MYO16: variants seen among roughly 807,000 people sequenced by gnomAD.
The protein encoded by MYO16 is unconventional myosin-XVI.
A neutral mutation model predicts 205.3 loss-of-function variants in MYO16; 94 were observed. The ratio of observed to expected loss-of-function variants is 0.46; its 90% CI spans 0.39 to 0.54. MYO16 has a LOEUF of 0.54. Among genes scored for constraint, MYO16 ranks in the 20% least tolerant of loss-of-function variants. The probability of loss-of-function intolerance (pLI) is 0.00; values close to 1 mark genes in which losing one functional copy is unlikely to be tolerated. For synonymous variants in MYO16, 988 were observed against 954.0 expected, an observed-to-expected ratio of 1.04 and a Z score of -0.66; for missense variants, 2,315 against 2,387.5, an observed-to-expected ratio of 0.97 and a Z score of 0.63.
chr13:108,944,985 T>C (rs1259583303), intron 16 of MYO16, among the ~76,000 whole-genome samples: 1 of 152,194 alleles, frequency 6.6e-6, no homozygotes, highest in East Asian at 1.9e-4. Flanking sequence ...TGCTAATTAT[T>C]TCTCTGAGTC....
chr13:109,092,150 A>C (rs771829348), intron 27 of MYO16, among the ~76,000 whole-genome samples: 1 of 152,236 alleles, frequency 6.6e-6, no homozygotes, highest in Non-Finnish European at 1.5e-5. Flanking sequence ...ATTTTCCTTG[A>C]GAATGAAGCG....
In MYO16 at chr13:109,119,820, C is replaced by T. The variant is rs552119481; in HGVS notation, c.3439-550C>T. On this transcript the variant is annotated intron_variant, in intron 28 of 34. Transcript: ENST00000457511. ...TGTTGCTCAAAGATGACTTTCTCAT[C>T]TTTCTTGAGACTTTTAAACTTTAGT... Among the ~76,000 whole-genome samples, 9 of 152,314 alleles carry T rather than the reference C, an allele frequency of 5.9e-5. No individual in the cohort carries two copies. The South Asian group carries it at 1.9e-3, about 32-fold the overall frequency.
intron 15 of MYO16, among the ~76,000 whole-genome samples, chr13:108,904,099 A>G (rs1880846582): frequency 6.6e-6 from 1 of 152,180 alleles, no homozygotes; most frequent in African/African-American, 2.4e-5. Context: ...TCAGCAATGT[A>G]ACCACAGATC....
chr13:108,744,387 GC>G (rs1448181028), intron 4 of MYO16, among the ~76,000 whole-genome samples: 1 of 151,986 alleles, frequency 6.6e-6, no homozygotes, highest in Non-Finnish European at 1.5e-5. Context: ...CATTCTATAA[GC>G]CTTTTTCTTC....
chr13:109,065,933 C>A (rs538180331), intron 27 of MYO16, among the ~76,000 whole-genome samples: 18 of 152,298 alleles, frequency 1.2e-4, no homozygotes, highest in Non-Finnish European at 2.4e-4. Context: ...AAGGACTTGT[C>A]AATGAAAGCA....
At chr13:108,533,682 G>T in the MYO16 span, among the ~76,000 whole-genome samples, 2 of 152,114 alleles carry the variant, frequency 1.3e-5, no homozygotes, top group African/African-American at 4.8e-5. Context: ...GTTCTAATTT[G>T]TATGCTTTCC....
chr13:108,941,584 C>T (rs1316753125), intron 16 of MYO16, among the ~76,000 whole-genome samples: 2 of 138,500 alleles, frequency 1.4e-5, no homozygotes, highest in Non-Finnish European at 3.0e-5. Context: ...GGCTGAGGCA[C>T]AAGAATCATT....
At chr13:108,838,690 T>TACACAC (rs138108851) in intron 9 of MYO16, among the ~76,000 whole-genome samples, 9 of 135,962 alleles carry the variant, frequency 6.6e-5, no homozygotes, top group Middle Eastern at 3.8e-3. Context: ...TATATATATA[T>TACACAC]ACACACACAC....
chr13:109,029,399 CTCTG>C (rs1452406501), intron 23 of MYO16, among the ~76,000 whole-genome samples: 2 of 152,084 alleles, frequency 1.3e-5, no homozygotes, highest in Admixed American at 6.5e-5. Context: ...CTTGCGGGAT[CTCTG>C]TCTGTTGAGC....
chr13:108,829,630 A>C (rs1341229016), intron 9 of MYO16, among the ~76,000 whole-genome samples: 1 of 152,172 alleles, frequency 6.6e-6, no homozygotes, highest in Non-Finnish European at 1.5e-5. Flanking sequence ...CCTAGGGATG[A>C]GAAAAGACTA....
intron 27 of MYO16, among the ~76,000 whole-genome samples, chr13:109,095,133 G>A (rs1057230851): frequency 1.3e-5 from 2 of 152,204 alleles, no homozygotes; most frequent in Admixed American, 1.3e-4. Context: ...CCCAAACCAG[G>A]ATAAGACAGG....
intron 4 of MYO16, among the ~76,000 whole-genome samples, chr13:108,757,418 C>A (rs1057396470): frequency 1.3e-5 from 2 of 152,094 alleles, no homozygotes; most frequent in Non-Finnish European, 2.9e-5. Flanking sequence ...GTCAGAAATA[C>A]CTTTCATCCA....
At chr13:108,739,080 ACT>A (rs1464042478) in intron 4 of MYO16, among the ~76,000 whole-genome samples, 5 of 151,756 alleles carry the variant, frequency 3.3e-5, no homozygotes, top group African/African-American at 1.2e-4. Flanking sequence ...ATGGGTCTTG[ACT>A]CTATCCAATT....
At chr13:108,602,485 T>C (rs1878801710) in intron 1 of MYO16, among the ~76,000 whole-genome samples, 1 of 152,194 alleles carries the variant, frequency 6.6e-6, no homozygotes, top group Admixed American at 6.6e-5. Context: ...AGTAATTTAA[T>C]TTCTTCTTCC....
At chr13:108,677,315 G>A (rs1423397864) in intron 2 of MYO16, among the ~76,000 whole-genome samples, 1 of 131,964 alleles carries the variant, frequency 7.6e-6, no homozygotes, top group Non-Finnish European at 1.5e-5. Flanking sequence ...GCACATGCAT[G>A]TGTGTGTGTG....
At chr13:108,832,750 A>G (rs1217526072) in intron 9 of MYO16, among the ~76,000 whole-genome samples, 1 of 152,224 alleles carries the variant, frequency 6.6e-6, no homozygotes, top group African/African-American at 2.4e-5. Flanking sequence ...CTTTTAGATT[A>G]CAAATGACTT....
At chr13:108,516,979 G>A in the MYO16 span, among the ~76,000 whole-genome samples, 38 of 152,180 alleles carry the variant, frequency 2.5e-4, no homozygotes, top group Middle Eastern at 3.4e-3. Context: ...TTCCCAGGCT[G>A]TAGTGCAGCG....
chr13:109,149,788 C>T (rs574868261), intron 32 of MYO16, among the ~76,000 whole-genome samples: 2 of 152,294 alleles, frequency 1.3e-5, no homozygotes, highest in South Asian at 4.2e-4. Context: ...ATACCTTCTG[C>T]AGTACCAGGG....
chr13:109,056,962 A>G (rs1240717043), intron 27 of MYO16, among the ~76,000 whole-genome samples: 1 of 152,136 alleles, frequency 6.6e-6, no homozygotes, highest in Non-Finnish European at 1.5e-5. Context: ...TGTTTGATAA[A>G]CCATTCATCC....
Sources: allele counts gnomAD v4.1 joint callset (sites outside exome capture counted in the v4.1 genomes callset), GRCh38; gene constraint gnomAD v4.1.1; transcripts MANE v1.5; gene names NCBI Gene and HGNC (gene_info 2026-07-23, HGNC 2026-07-21).